TRAPPC9: variants seen among roughly 807,000 people sequenced by gnomAD.
TRAPPC9 encodes IKK2 binding protein.
In TRAPPC9, 83 loss-of-function variants were observed where a neutral mutation model predicts 124.0. The ratio of observed to expected loss-of-function variants is 0.67; its 90% confidence interval spans 0.56 to 0.80. The LOEUF (loss-of-function observed/expected upper bound fraction) is 0.80. Ranked by LOEUF, TRAPPC9 falls within the 30% of genes least tolerant of loss-of-function variation. TRAPPC9 has a pLI of 0.00. For synonymous variants in TRAPPC9, 638 were observed against 617.5 expected (o/e 1.03, Z -0.49); for missense variants, 1,302 against 1,508.3 (o/e 0.86, Z 2.27).
chr8:140,177,008 C>T, intron 17 of TRAPPC9, among the ~76,000 whole-genome samples: 1 of 152,124 alleles, frequency 6.6e-6, no homozygotes, highest in East Asian at 1.9e-4. Context: ...ATTTGTCTTA[C>T]TATTGGTTGT....
chr8:140,334,877 G>T lies in TRAPPC9; in HGVS notation c.1496-23503C>A, dbSNP rs1378674712. Among the ~76,000 whole-genome samples, 4 of 151,900 alleles carry T rather than the reference G, an allele frequency of 2.6e-5. No homozygotes were observed. In the South Asian group the frequency reaches 8.3e-4, roughly 32 times the overall value. On this transcript the variant is annotated intron_variant, in intron 9 of 22. Coordinates refer to ENST00000438773, the MANE Select transcript of TRAPPC9 (RefSeq NM_001160372.4). ...AAGCAAGATAATAAGGAGGTGCAGA[G>T]GAATAAATTAATTTCTTAATAACAG... is the stretch of plus-strand genomic sequence containing the variant.
intron 15 of TRAPPC9, among the ~76,000 whole-genome samples, chr8:140,267,934 G>A (rs1302473151): frequency 6.6e-6 from 1 of 152,104 alleles, no homozygotes; most frequent in Non-Finnish European, 1.5e-5. Flanking sequence ...CCAAAGTGCT[G>A]GAATTACAGG....
intron 17 of TRAPPC9, among the ~76,000 whole-genome samples, chr8:140,214,242 G>A (rs1263336923): frequency 1.3e-5 from 2 of 152,216 alleles, no homozygotes; most frequent in Admixed American, 6.5e-5. Context: ...TTTTAGGCAC[G>A]TCATATCCAA....
rs145191494 is a variant in TRAPPC9 at position 140,288,116 on chromosome 8, A to G, written c.1855-382T>C. Among the ~76,000 whole-genome samples, 1,318 of 152,338 alleles carry G rather than the reference A, an allele frequency of 8.7e-3. 20 individuals carry two copies. The highest frequency in any genetic ancestry group is 0.03 in the African/African-American group (1,245 of 41,584). The stretch of plus-strand genomic sequence containing the variant: ...AACACTTTGGGAGGCCAAGGTGGAA[A>G]GAACACTTGAGCCCCAGGAGACCAA... On this transcript the variant is annotated intron_variant, in intron 12 of 22. Transcript: ENST00000438773.
chr8:140,134,698 C>G (rs1049940541), intron 17 of TRAPPC9, among the ~76,000 whole-genome samples: 1 of 152,308 alleles, frequency 6.6e-6, no homozygotes, highest in East Asian at 1.9e-4. Flanking sequence ...TTAACTCAAA[C>G]AGTATCAGTT....
chr8:139,905,249 C>T (rs1236153764), intron 20 of TRAPPC9, among the ~76,000 whole-genome samples: 1 of 150,170 alleles, frequency 6.7e-6, no homozygotes, highest in African/African-American at 2.5e-5. Flanking sequence ...GGTCGGGGGG[C>T]TGGGGGGAAG....
chr8:140,237,920 C>T (rs141989414), intron 16 of TRAPPC9, among the ~76,000 whole-genome samples: 181 of 152,294 alleles, frequency 1.2e-3, no homozygotes, highest in African/African-American at 4.1e-3. Flanking sequence ...AGCAGTGACG[C>T]GGACACGAGG....
intron 4 of TRAPPC9, among the ~76,000 whole-genome samples, chr8:140,427,392 C>G (rs987757984): frequency 6.6e-6 from 1 of 152,118 alleles, no homozygotes; most frequent in South Asian, 2.1e-4. Context: ...CACACACACA[C>G]ACACACACAC....
At chr8:140,369,365 A>G (rs1301071877) in intron 8 of TRAPPC9, among the ~76,000 whole-genome samples, 1 of 152,222 alleles carries the variant, frequency 6.6e-6, no homozygotes, top group Non-Finnish European at 1.5e-5. Flanking sequence ...TTTCCACTGT[A>G]GAGGGCAGAA....
At chr8:140,368,116 G>A (rs2068175083) in intron 8 of TRAPPC9, among the ~76,000 whole-genome samples, 2 of 152,106 alleles carry the variant, frequency 1.3e-5, no homozygotes, top group Admixed American at 1.3e-4. Context: ...GCATCTGGCT[G>A]TGCTGGCTGT....
intron 19 of TRAPPC9, among the ~76,000 whole-genome samples, chr8:139,982,666 C>G (rs1836990803): frequency 6.6e-6 from 1 of 152,176 alleles, no homozygotes; most frequent in African/African-American, 2.4e-5. Flanking sequence ...CAGAAACTCA[C>G]AAGCTGAGGA....
chr8:140,179,993 ATTT>A (rs71520259), intron 17 of TRAPPC9, among the ~76,000 whole-genome samples: 6,344 of 90,024 alleles, frequency 0.07, 94 homozygotes, highest in Middle Eastern at 0.18. Context: ...TTATATCTTG[ATTT>A]TTTTTTTTTT....
At chr8:139,850,563 T>C (rs970587038) in intron 21 of TRAPPC9, among the ~76,000 whole-genome samples, 1 of 152,216 alleles carries the variant, frequency 6.6e-6, no homozygotes, top group Non-Finnish European at 1.5e-5. Context: ...CCAATGCATC[T>C]GAAAACCACT....
chr8:140,272,128 G>A (rs575868550), intron 15 of TRAPPC9, among the ~76,000 whole-genome samples: 2 of 120,532 alleles, frequency 1.7e-5, no homozygotes, highest in Admixed American at 7.8e-5. Flanking sequence ...TGGTGATGGT[G>A]GCGATGGTGA....
chr8:140,014,104 G>A (rs1219992298), intron 18 of TRAPPC9, among the ~76,000 whole-genome samples: 1 of 152,296 alleles, frequency 6.6e-6, no homozygotes, highest in African/African-American at 2.4e-5. Flanking sequence ...ACCACACAGG[G>A]AAAGTGACGA....
rs554788100 is a variant in TRAPPC9, at chr8:140,282,452, G to A, written c.2114+1437C>T. Among the ~76,000 whole-genome samples the A allele has an allele frequency of 2.7e-4, 40 of 149,150 alleles. No homozygotes were observed. The South Asian group carries it at 3.2e-3, about 12-fold the overall frequency. ...CGGGAGGTGAAGGTTGCAGTGAGCCGAGATTGCGCCACTGCACTCCAGCCT... is the reference window on the plus strand; with the variant it reads ...CGGGAGGTGAAGGTTGCAGTGAGCCAAGATTGCGCCACTGCACTCCAGCCT... On this transcript the variant is annotated intron_variant, in intron 14 of 22. Transcript: ENST00000438773.
intron 17 of TRAPPC9, among the ~76,000 whole-genome samples, 162 bp downstream of exon 17, chr8:140,221,297 C>T (rs190032327): frequency 3.2e-4 from 49 of 152,324 alleles, no homozygotes; most frequent in Admixed American, 1.1e-3. Context: ...TTCACTGTGA[C>T]GGCTTTCCAA....
chr8:140,096,355 T>A (rs895150208), intron 17 of TRAPPC9: 6 of 152,224 alleles, frequency 3.9e-5, no homozygotes, highest in African/African-American at 1.4e-4. Context: ...AGAGAAATGA[T>A]ATATTTCACT....
At chr8:139,739,386 C>T (rs1818410706) in intron 21 of TRAPPC9, among the ~76,000 whole-genome samples, 2 of 152,228 alleles carry the variant, frequency 1.3e-5, no homozygotes, top group East Asian at 1.9e-4. Flanking sequence ...CCATGCTCCT[C>T]GCCTGCCTGG....
Sources: gnomAD v4.1 joint callset for allele counts (sites outside exome capture counted in the v4.1 genomes callset) on GRCh38, gnomAD v4.1.1 for gene constraint, MANE v1.5 for transcripts, NCBI Gene and HGNC (gene_info 2026-07-23, HGNC 2026-07-21) for gene names.